The following C1orf185 variants were observed in gnomAD, a reference collection of about 807,000 sequenced individuals.
C1orf185 encodes uncharacterized protein C1orf185.
C1orf185 carries 13 observed loss-of-function variants against 16.1 expected under a neutral mutation model. That is an observed-to-expected ratio of 0.81 (90% CI 0.53 to 1.28). The LOEUF (loss-of-function observed/expected upper bound fraction) is 1.28, where lower values mean the gene tolerates loss of function less well. Ranked by LOEUF, C1orf185 falls within the 50% of genes most tolerant of loss-of-function variation. C1orf185 has a pLI of 0.00. For missense variants in C1orf185, 220 were observed against 225.2 expected (o/e 0.98, Z 0.15); for synonymous variants, 80 against 76.9 (o/e 1.04, Z -0.21).
At chr1:51,151,351 G>A (rs7546037), downstream of C1orf185, among the ~76,000 whole-genome samples, 36 of 152,078 alleles carry the variant, frequency 2.4e-4, no homozygotes, top group African/African-American at 7.7e-4. Flanking sequence ...TATATCTTAC[G>A]CAATTGTAAG....
chr1:51,132,479 G>A (rs1386943334), intron 3 of C1orf185, among the ~76,000 whole-genome samples: 1 of 152,150 alleles, frequency 6.6e-6, no homozygotes, highest in East Asian at 1.9e-4. Flanking sequence ...AGACTAAGCA[G>A]AGGAAAGAAA....
At chr1:51,121,502 T>TAGAATAAGAA (rs1646197193) in intron 3 of C1orf185, among the ~76,000 whole-genome samples, 1 of 152,094 alleles carries the variant, frequency 6.6e-6, no homozygotes, top group Admixed American at 6.6e-5. Context: ...GACAGGAACC[T>TAGAATAAGAA]CATTCAAACT....
intron 3 of C1orf185, among the ~76,000 whole-genome samples, chr1:51,136,646 A>G (rs927150748): frequency 2.2e-4 from 33 of 152,190 alleles, no homozygotes; most frequent in Non-Finnish European, 8.8e-5. Context: ...AAAAACAAGC[A>G]ATGGGGGAAG....
rs1227345672 is a variant in C1orf185, at chr1:51,147,464, C to T, written c.296-3C>T. The T allele has an allele frequency of 7.3e-6, 11 of 1,510,358 alleles. No homozygotes were observed. Among genetic ancestry groups the T allele is most frequent in the African/African-American group, 1.4e-5 (1 of 71,128 alleles). 93.6% of individuals were successfully genotyped at this position (1,510,358 alleles called of 1,614,324 possible). ...AATATTCATAGTAAATCTGTTTTTA[C>T]AGCAATTAAAGATCATTCTAAAGAT... On this transcript the variant is annotated splice_polypyrimidine_tract_variant and splice_region_variant and intron_variant, in intron 4 of 4. Coordinates refer to ENST00000371759, the MANE Select transcript of C1orf185 (RefSeq NM_001136508.2).
In C1orf185 at chr1:51,111,540, A is replaced by AT. The variant is rs962959073; in HGVS notation, c.17-915dup. Reference sequence around the variant, plus strand: ...AGGCAAATGCCATCACACCTGGTTAATTTTTTTTTGAGACAGAGTCTCAGG... The same window carrying AT: ...AGGCAAATGCCATCACACCTGGTTAATTTTTTTTTTGAGACAGAGTCTCAGG... On this transcript the variant is annotated intron_variant, in intron 1 of 4. Transcript: ENST00000371759. Among the ~76,000 whole-genome samples the AT allele has an allele frequency of 1.3e-4, 19 of 149,836 alleles. No homozygotes were observed. In the South Asian group the frequency reaches 1.9e-3, roughly 15 times the overall value.
At chr1:51,139,153 A>G (rs1447056176) in intron 3 of C1orf185, among the ~76,000 whole-genome samples, 1 of 151,310 alleles carries the variant, frequency 6.6e-6, no homozygotes, top group East Asian at 2.0e-4. Flanking sequence ...ACCAGGTTAC[A>G]GTGGAATGGT....
At chr1:51,127,433 G>C (rs958757268) in intron 3 of C1orf185, among the ~76,000 whole-genome samples, 1 of 151,946 alleles carries the variant, frequency 6.6e-6, no homozygotes, top group African/African-American at 2.4e-5. Context: ...GACTACAGAC[G>C]CATGCCACCA....
rs567666303 is a variant in C1orf185 at position 51,130,106 on chromosome 1, G to A, written c.258+11305G>A. Among the ~76,000 whole-genome samples, 24 of 152,260 alleles carry A rather than the reference G, an allele frequency of 1.6e-4. 1 individual carries two copies. The South Asian group carries it at 5.0e-3, about 32-fold the overall frequency. ...TTGAGGGATATTTGAGATGTTTCCA[G>A]TTTGCAGCTTGCACATAAAGGGCCA... On this transcript the variant is annotated intron_variant, in intron 3 of 4. Coordinates refer to ENST00000371759, the MANE Select transcript of C1orf185 (RefSeq NM_001136508.2).
chr1:51,111,040 A>G (rs1464867005), intron 1 of C1orf185, among the ~76,000 whole-genome samples: 1 of 152,130 alleles, frequency 6.6e-6, no homozygotes, highest in Non-Finnish European at 1.5e-5. Context: ...TGTTTTTTGA[A>G]AGCTTTCTAC....
chr1:51,148,297 A>G (rs1042545072), downstream of C1orf185, among the ~76,000 whole-genome samples: 2 of 151,900 alleles, frequency 1.3e-5, no homozygotes, highest in African/African-American at 2.4e-5. Context: ...TAATTTTTGT[A>G]TTTTTAGTAG....
chr1:51,148,426 A>G (rs1646414997), downstream of C1orf185, among the ~76,000 whole-genome samples: 1 of 152,130 alleles, frequency 6.6e-6, no homozygotes. Flanking sequence ...CCTGGCCAGA[A>G]AAAAATATAT....
chr1:51,135,996 G>T (rs567771577), intron 3 of C1orf185, among the ~76,000 whole-genome samples: 1 of 152,028 alleles, frequency 6.6e-6, no homozygotes, highest in African/African-American at 2.4e-5. Context: ...AATTACTAAC[G>T]TTCCTATACA....
intron 1 of C1orf185, among the ~76,000 whole-genome samples, chr1:51,103,667 G>A (rs1368948903): frequency 6.6e-6 from 1 of 151,392 alleles, no homozygotes; most frequent in African/African-American, 2.4e-5. Flanking sequence ...CCCGCTAACT[G>A]GGACCACAGG....
chr1:51,143,913 C>T (rs1392859502), intron 3 of C1orf185, among the ~76,000 whole-genome samples: 1 of 152,110 alleles, frequency 6.6e-6, no homozygotes, highest in Non-Finnish European at 1.5e-5. Context: ...CTGCACCCAG[C>T]CATAAGCTTG....
At chr1:51,116,969 C>T (rs1449213722) in intron 2 of C1orf185, among the ~76,000 whole-genome samples, 1 of 152,200 alleles carries the variant, frequency 6.6e-6, no homozygotes, top group African/African-American at 2.4e-5. Context: ...TTAGTTACAT[C>T]CACAATACCA....
At position 51,147,460 on chromosome 1, in the gene C1orf185, T is replaced by C; in HGVS notation, c.296-7T>C. 6.6e-7 allele frequency: 1 copy of C among 1,508,058 alleles called. No homozygotes were observed. 93.4% of individuals were successfully genotyped at this position (1,508,058 alleles called of 1,614,324 possible). A position where few individuals can be genotyped will look rare whatever the true frequency, so the allele number is the denominator to read the frequency against. ...ATATAATATTCATAGTAAATCTGTTTTTACAGCAATTAAAGATCATTCTAA... is the reference window on the plus strand; with the variant it reads ...ATATAATATTCATAGTAAATCTGTTCTTACAGCAATTAAAGATCATTCTAA... On this transcript the variant is annotated splice_polypyrimidine_tract_variant and splice_region_variant and intron_variant, in intron 4 of 4. Transcript: ENST00000371759.
intron 1 of C1orf185, among the ~76,000 whole-genome samples, chr1:51,110,788 G>A (rs1156370426): frequency 6.6e-6 from 1 of 151,982 alleles, no homozygotes. Flanking sequence ...GGCCAACATG[G>A]TAAAACCCCG....
At chr1:51,143,681 T>C (rs1248719618) in intron 3 of C1orf185, among the ~76,000 whole-genome samples, 1 of 152,262 alleles carries the variant, frequency 6.6e-6, no homozygotes, top group Non-Finnish European at 1.5e-5. Flanking sequence ...TTAATTATTT[T>C]GAGACAAGGT....
chr1:51,145,537 C>T (rs1205182325), intron 3 of C1orf185, among the ~76,000 whole-genome samples, 187 bp from the exon 4 acceptor site: 1 of 152,020 alleles, frequency 6.6e-6, no homozygotes. Flanking sequence ...AAATTCATTT[C>T]AGATGATACT....
Sources: gnomAD v4.1 joint callset for allele counts (sites outside exome capture counted in the v4.1 genomes callset) on GRCh38, gnomAD v4.1.1 for gene constraint, MANE v1.5 for transcripts, NCBI Gene and HGNC (gene_info 2026-07-23, HGNC 2026-07-21) for gene names.